The following KCTD16 variants were observed in gnomAD, a reference collection of about 807,000 sequenced individuals.
KCTD16 encodes potassium channel tetramerization domain containing 16.
KCTD16 carries 13 observed loss-of-function variants against 33.2 expected under a neutral mutation model. The ratio of observed to expected loss-of-function variants is 0.39; its 90% CI spans 0.25 to 0.62. The LOEUF is 0.62. Ranked by LOEUF, KCTD16 falls within the 20% of genes least tolerant of loss-of-function variation. KCTD16 has a pLI of 0.50. For synonymous variants in KCTD16, 197 were observed against 195.3 expected, an observed-to-expected ratio of 1.01 and a Z score of -0.07; for missense variants, 441 against 525.1, an observed-to-expected ratio of 0.84 and a Z score of 1.57.
At chr5:144,179,016 A>G (rs928950385) in intron 2 of KCTD16, among the ~76,000 whole-genome samples, 1 of 152,236 alleles carries the variant, frequency 6.6e-6, no homozygotes. Flanking sequence ...CTGGCTACAC[A>G]TATTAAGAAT....
intron 3 of KCTD16, among the ~76,000 whole-genome samples, chr5:144,253,238 T>C (rs969508273): frequency 1.3e-5 from 2 of 152,152 alleles, no homozygotes; most frequent in African/African-American, 2.4e-5. Flanking sequence ...ATTTATATAG[T>C]GCATAATTAT....
chr5:144,211,806 T>C (rs1253909124), intron 3 of KCTD16, among the ~76,000 whole-genome samples: 2 of 152,106 alleles, frequency 1.3e-5, no homozygotes, highest in Non-Finnish European at 2.9e-5. Flanking sequence ...TATGTGATGT[T>C]TGGTCCTTAC....
rs766844514 is a variant in KCTD16, at chr5:144,206,897, G to T, written c.183G>T (p.Thr61=). 6.2e-7 allele frequency: 1 copy of T among 1,614,078 alleles called. No individual in the cohort carries two copies. ...AAATGTTTTCCCCAAAGAGAGACAC[G>T]GCTAATGATCTAGCCAAGGACTCCA... The part of the protein sequence containing the change: ...LWKMFSPKRD[T]ANDLAKDSKG... The change falls in exon 3 of 4, where the codon ACG becomes ACT. Residue 61 remains threonine, a synonymous_variant. Transcript: ENST00000512467.
At chr5:144,431,234 A>G (rs1753452738) in intron 3 of KCTD16, among the ~76,000 whole-genome samples, 2 of 152,202 alleles carry the variant, frequency 1.3e-5, no homozygotes, top group Admixed American at 1.3e-4. Context: ...TAACATGTTT[A>G]GTCCATTCAG....
rs138550665 is a variant in KCTD16, at chr5:144,197,711, C to T, written c.-326-8678C>T. On this transcript the variant is annotated intron_variant, in intron 2 of 3. Coordinates refer to ENST00000512467, the MANE Select transcript of KCTD16 (RefSeq NM_020768.4). ...ATTTGGGTGTAGTGAAAAAGGACCT[C>T]GGAATCAGACAGGTTTGGTGTGATC... is the stretch of plus-strand genomic sequence containing the variant. Among the ~76,000 whole-genome samples the T allele has an allele frequency of 2.3e-3, 349 of 152,236 alleles. 2 individuals carry two copies. Among genetic ancestry groups the T allele is most frequent in the Admixed American group, 7.8e-3 (119 of 15,288 alleles).
chr5:144,411,565 T>A (rs1425939953), intron 3 of KCTD16, among the ~76,000 whole-genome samples: 1 of 152,198 alleles, frequency 6.6e-6, no homozygotes, highest in African/African-American at 2.4e-5. Flanking sequence ...ATTCAAGACC[T>A]GCAATTATTG....
intron 3 of KCTD16, among the ~76,000 whole-genome samples, chr5:144,274,756 C>A (rs1304320617): frequency 6.6e-6 from 1 of 152,108 alleles, no homozygotes; most frequent in African/African-American, 2.4e-5. Context: ...ATAATGAACC[C>A]AACCCAACCC....
chr5:144,210,019 C>T (rs1753325218), intron 3 of KCTD16, among the ~76,000 whole-genome samples: 1 of 151,242 alleles, frequency 6.6e-6, no homozygotes, highest in Admixed American at 6.6e-5. Flanking sequence ...GGATCAATAT[C>T]TCAGTAAAAA....
At chr5:144,389,676 GA>G (rs11306951) in intron 3 of KCTD16, among the ~76,000 whole-genome samples, 149,307 of 152,216 alleles carry the variant, frequency 0.98, 73,255 homozygotes, top group East Asian at 1. Flanking sequence ...CCAATCTGTG[GA>G]AAAAATTGTC....
chr5:144,282,322 G>T (rs1196083976), intron 3 of KCTD16, among the ~76,000 whole-genome samples: 1 of 151,968 alleles, frequency 6.6e-6, no homozygotes, highest in Non-Finnish European at 1.5e-5. Flanking sequence ...CCCAGAGAGG[G>T]CATAAAACTT....
intron 3 of KCTD16, among the ~76,000 whole-genome samples, chr5:144,397,493 T>C (rs550743101): frequency 8.5e-5 from 13 of 152,276 alleles, no homozygotes; most frequent in East Asian, 7.7e-4. Flanking sequence ...CCTGAGGAAT[T>C]GCCACACTGT....
At position 144,262,131 on chromosome 5, in the gene KCTD16, G is replaced by A. The variant is rs540276209; in HGVS notation, c.832+54585G>A. ...AAATGTGGCAGGCTGGATGAGATGGGTAAGAATTAATGGATCGGGGAAGGC... is the reference window on the plus strand; with the variant it reads ...AAATGTGGCAGGCTGGATGAGATGGATAAGAATTAATGGATCGGGGAAGGC... On this transcript the variant is annotated intron_variant, in intron 3 of 3. Coordinates refer to ENST00000512467, the MANE Select transcript of KCTD16 (RefSeq NM_020768.4). Among the ~76,000 whole-genome samples, 14 of 152,298 alleles carry A rather than the reference G, an allele frequency of 9.2e-5. No individual in the cohort carries two copies. The South Asian group carries it at 2.7e-3, about 29-fold the overall frequency.
intron 3 of KCTD16, among the ~76,000 whole-genome samples, chr5:144,394,061 C>T (rs1446960508): frequency 6.7e-6 from 1 of 150,042 alleles, no homozygotes; most frequent in African/African-American, 2.5e-5. Context: ...TGATTGGCAG[C>T]TCCCCCTGTC....
chr5:144,205,458 C>A, intron 2 of KCTD16: 2 of 398,760 alleles, frequency 5.0e-6, no homozygotes, highest in Non-Finnish European at 8.8e-6. Context: ...GCCCCGGGCC[C>A]CCCGCCGGCA....
intron 3 of KCTD16, chr5:144,385,341 T>G (rs1752300712): frequency 6.6e-6 from 1 of 152,200 alleles, no homozygotes; most frequent in South Asian, 2.1e-4. Flanking sequence ...GAACATGACA[T>G]ATGCATTTGT....
chr5:144,202,436 A>C (rs1484451446), intron 2 of KCTD16, among the ~76,000 whole-genome samples: 1 of 152,148 alleles, frequency 6.6e-6, no homozygotes, highest in Non-Finnish European at 1.5e-5. Context: ...TTATCTTTTT[A>C]ATCTCACCTC....
At chr5:144,409,441 C>T (rs1303028294) in intron 3 of KCTD16, among the ~76,000 whole-genome samples, 1 of 152,142 alleles carries the variant, frequency 6.6e-6, no homozygotes, top group African/African-American at 2.4e-5. Context: ...TGTTATCCAT[C>T]ACTCATTCAA....
chr5:144,309,614 C>T (rs1022330577), intron 3 of KCTD16, among the ~76,000 whole-genome samples: 1 of 152,118 alleles, frequency 6.6e-6, no homozygotes, highest in African/African-American at 2.4e-5. Context: ...AGTATTCAAT[C>T]CCTTGGAGTT....
chr5:144,230,748 G>T (rs1217719747), intron 3 of KCTD16, among the ~76,000 whole-genome samples: 1 of 152,172 alleles, frequency 6.6e-6, no homozygotes. Context: ...AGTGATACAA[G>T]TATTAGGAAA....
Sources: gnomAD v4.1 joint callset for allele counts (sites outside exome capture counted in the v4.1 genomes callset) on GRCh38, gnomAD v4.1.1 for gene constraint, MANE v1.5 for transcripts, NCBI Gene and HGNC (gene_info 2026-07-23, HGNC 2026-07-21) for gene names.